TMC2: variants seen among roughly 807,000 people sequenced by gnomAD.
TMC2 encodes the protein transmembrane channel-like protein 2.
In TMC2, 102 loss-of-function variants were observed where a neutral mutation model predicts 105.9. That is an observed-to-expected ratio of 0.96 (90% CI 0.82 to 1.14). The LOEUF (loss-of-function observed/expected upper bound fraction) is 1.14, where lower values mean the gene tolerates loss of function less well. TMC2 is among the 50% of genes most tolerant of loss of function. The pLI, the probability that TMC2 is intolerant of heterozygous loss-of-function variation, is 0.00. For synonymous variants in TMC2, 402 were observed against 422.8 expected (o/e 0.95, Z 0.60); for missense variants, 1,093 against 1,134.3 (o/e 0.96, Z 0.52).
intron 2 of TMC2, among the ~76,000 whole-genome samples, chr20:2,551,141 T>G (rs2085954048): frequency 6.6e-6 from 1 of 152,346 alleles, no homozygotes. Context: ...CATTTTTTTA[T>G]AGCATTTTGT....
At chr20:2,567,121 T>C (rs936636041) in intron 4 of TMC2, among the ~76,000 whole-genome samples, 8 of 152,140 alleles carry the variant, frequency 5.3e-5, no homozygotes, top group Admixed American at 4.6e-4. Flanking sequence ...CCCCAGCAGG[T>C]AGTAATGATC....
In TMC2 at chr20:2,641,237, A is replaced by G; in HGVS notation, c.2607A>G (p.Gly869=). 1 of 1,614,078 alleles carries G rather than the reference A, an allele frequency of 6.2e-7. No individual in the cohort carries two copies. The stretch of plus-strand genomic sequence containing the variant: ...GCAGGACCACACTGCCTGCCTCTGG[A>G]CACCTTCCTATATCTCGGCCCCCTG... The part of the protein sequence containing the change: ...SASRTTLPAS[G]HLPISRPPGI... Residue 869 remains glycine, a synonymous_variant, in exon 20 of 20, where the codon GGA becomes GGG. Transcript: ENST00000358864.
At chr20:2,583,570 C>T (rs1297342664) in intron 7 of TMC2, among the ~76,000 whole-genome samples, 2 of 151,710 alleles carry the variant, frequency 1.3e-5, no homozygotes, top group Admixed American at 6.6e-5. Flanking sequence ...TCAAGCAATT[C>T]TCCTGCCTCA....
At chr20:2,539,990 C>CTTTTTTTTTTTT (rs57860432) in intron 2 of TMC2, among the ~76,000 whole-genome samples, 66 of 115,066 alleles carry the variant, frequency 5.7e-4, no homozygotes, top group Non-Finnish European at 8.0e-4. Context: ...CTTTTCTTTT[C>CTTTTTTTTTTTT]TTTTTTTTTT....
intron 17 of TMC2, among the ~76,000 whole-genome samples, chr20:2,626,556 T>C (rs2086565697): frequency 6.6e-6 from 1 of 152,268 alleles, no homozygotes; most frequent in African/African-American, 2.4e-5. Flanking sequence ...AGACTTATCT[T>C]TTGATGAGGC....
intron 2 of TMC2, among the ~76,000 whole-genome samples, chr20:2,538,033 C>T (rs191513751): frequency 2.7e-3 from 407 of 152,134 alleles, no homozygotes; most frequent in Non-Finnish European, 4.5e-3. Flanking sequence ...GAAGAGATCT[C>T]CTTCCTCCCC....
intron 11 of TMC2, among the ~76,000 whole-genome samples, chr20:2,606,633 T>G (rs962441306): frequency 6.6e-6 from 1 of 152,114 alleles, no homozygotes; most frequent in East Asian, 1.9e-4. Context: ...GAATTATAGG[T>G]TTTTTTAATT....
rs1266592056 is a variant in TMC2 at position 2,558,747 on chromosome 20, AGAAGTC to A, written c.379_384del (p.Ser127_Lys128del). ...GAAAAGGAGATTCCGAGGAGGGAGG[AGAAGTC>A]GAAGCGGCAGAAGAAACCCAGGTGT... On this transcript the variant is annotated inframe_deletion, in exon 3 of 20. Coordinates refer to ENST00000358864, the MANE Select transcript of TMC2 (RefSeq NM_080751.3). The surrounding 1 kb of genome is among the most constrained non-coding windows in gnomAD (Gnocchi z 4.6). 1.7e-5 allele frequency: 27 copies of A among 1,563,332 alleles called. No individual in the cohort carries two copies. The highest frequency in any genetic ancestry group is 1.7e-4 in the Middle Eastern group (1 of 5,824).
intron 14 of TMC2, among the ~76,000 whole-genome samples, 188 bp from the exon 15 acceptor site, chr20:2,615,949 T>C (rs1030362607): frequency 1.3e-5 from 2 of 152,216 alleles, no homozygotes; most frequent in Non-Finnish European, 1.5e-5. Context: ...AAATTTTTTG[T>C]TTAAAAGTTG....
At chr20:2,545,865 A>AAG (rs1186024496) in intron 2 of TMC2, among the ~76,000 whole-genome samples, 11 of 116,562 alleles carry the variant, frequency 9.4e-5, no homozygotes, top group African/African-American at 3.6e-4. Context: ...GAAAGAAAGA[A>AAG]AAAGAAAGAA....
chr20:2,603,546 G>A (rs1024045969), intron 11 of TMC2, among the ~76,000 whole-genome samples: 2 of 152,176 alleles, frequency 1.3e-5, no homozygotes, highest in Non-Finnish European at 2.9e-5. Flanking sequence ...AAAACATCAG[G>A]ACACAGAAAG....
At chr20:2,569,856 T>A (rs1290303259) in intron 4 of TMC2, among the ~76,000 whole-genome samples, 2 of 152,218 alleles carry the variant, frequency 1.3e-5, no homozygotes, top group African/African-American at 4.8e-5. Flanking sequence ...TTATGCTTTT[T>A]GTGTAGCCCC....
chr20:2,573,898 T>C (rs1366651086), intron 5 of TMC2, among the ~76,000 whole-genome samples: 1 of 152,198 alleles, frequency 6.6e-6, no homozygotes, highest in African/African-American at 2.4e-5. Flanking sequence ...TCTGATTATG[T>C]TCATAAAGAT....
At chr20:2,615,000 G>GT (rs900828960) in intron 14 of TMC2, among the ~76,000 whole-genome samples, 10 of 151,938 alleles carry the variant, frequency 6.6e-5, no homozygotes, top group East Asian at 3.9e-4. Context: ...GTAGATATGT[G>GT]TTTTTTTTAA....
intron 4 of TMC2, among the ~76,000 whole-genome samples, chr20:2,564,456 C>G (rs988708189): frequency 6.6e-6 from 1 of 152,138 alleles, no homozygotes; most frequent in Admixed American, 6.6e-5. Flanking sequence ...GGCCCTCAGC[C>G]TCCTCTTTTT....
intron 17 of TMC2, among the ~76,000 whole-genome samples, chr20:2,628,981 G>A (rs6037152): frequency 0.71 from 101,646 of 142,712 alleles, 35,045 homozygotes; most frequent in East Asian, 0.82. Context: ...GGGCGCCTGT[G>A]GTCCCAGCTA....
intron 11 of TMC2, among the ~76,000 whole-genome samples, chr20:2,606,110 C>T (rs572709388): frequency 6.6e-6 from 1 of 152,118 alleles, no homozygotes; most frequent in Non-Finnish European, 1.5e-5. Context: ...ACCTGGTATA[C>T]AAGAAAACAA....
At position 2,635,940 on chromosome 20, in the gene TMC2, A is replaced by T. The variant is rs538428592; in HGVS notation, c.2321A>T (p.Tyr774Phe). The T allele has an allele frequency of 6.2e-7, 1 of 1,614,058 alleles. No homozygotes were observed. The highest frequency in any genetic ancestry group is 2.2e-5 in the East Asian group (1 of 44,872). Residue 774 changes from tyrosine to phenylalanine, a missense_variant, in exon 18 of 20, where the codon TAC becomes TTC. Tyr to Phe is a conservative substitution (Grantham distance 22). Coordinates refer to ENST00000358864, the MANE Select transcript of TMC2 (RefSeq NM_080751.3). The part of the protein sequence containing the change: ...AILLMFLAIY[Y>F]LNSVSKSLSR... ...TTCTCTTGCAGCTTGGCCATTTACT[A>T]CCTGAACTCAGTTTCCAAAAGCCTT...
chr20:2,548,560 C>T (rs1173535563), intron 2 of TMC2, among the ~76,000 whole-genome samples: 1 of 151,856 alleles, frequency 6.6e-6, no homozygotes, highest in African/African-American at 2.4e-5. Flanking sequence ...ATTGCTTGAA[C>T]CCAGGAGGCG....
Sources: gnomAD v4.1 joint callset for allele counts (sites outside exome capture counted in the v4.1 genomes callset) on GRCh38, gnomAD v4.1.1 for gene constraint, Gnocchi (gnomAD v3.1) non-coding constraint, MANE v1.5 for transcripts, NCBI Gene and HGNC (gene_info 2026-07-23, HGNC 2026-07-21) for gene names.